TASOR2: variants seen among roughly 807,000 people sequenced by gnomAD.
The protein encoded by TASOR2 is protein TASOR 2.
A neutral mutation model predicts 199.5 loss-of-function variants in TASOR2; 84 were observed. The ratio of observed to expected loss-of-function variants is 0.42; its 90% CI spans 0.35 to 0.50. The LOEUF (loss-of-function observed/expected upper bound fraction) is 0.50, where lower values mean the gene tolerates loss of function less well. TASOR2 is among the 20% of genes least tolerant of loss of function. The pLI is 0.02. For missense variants in TASOR2, 2,796 were observed against 2,835.9 expected (o/e 0.99, Z 0.32); for synonymous variants, 1,103 against 1,046.6 (o/e 1.05, Z -1.04).
intron 14 of TASOR2, chr10:5,743,870 C>G (rs369150018): frequency 1.3e-5 from 2 of 148,662 alleles, no homozygotes; most frequent in Non-Finnish European, 3.0e-5. Context: ...TTTTTGTCAT[C>G]TTGTTGAATG....
intron 1 of TASOR2, chr10:5,712,309 G>A (rs1832025557): frequency 2.0e-6 from 2 of 994,510 alleles, no homozygotes; most frequent in Admixed American, 4.3e-5. Flanking sequence ...AATAGGTGAT[G>A]TTTTGAGTGA....
chr10:5,704,980 G>A (rs1380835851), intron 1 of TASOR2, among the ~76,000 whole-genome samples: 1 of 151,976 alleles, frequency 6.6e-6, no homozygotes, highest in African/African-American at 2.4e-5. Context: ...TTTGTTTTGG[G>A]GCTTTCAGCT....
At chr10:5,733,250 A>G (rs891638240) in intron 11 of TASOR2, among the ~76,000 whole-genome samples, 2 of 152,138 alleles carry the variant, frequency 1.3e-5, no homozygotes, top group Admixed American at 6.5e-5. Flanking sequence ...GCTCATGCCT[A>G]TAATCCTAAC....
At chr10:5,757,698 T>A in intron 17 of TASOR2, 25 bp downstream of exon 18, 2 of 1,610,032 alleles carry the variant, frequency 1.2e-6, no homozygotes, top group African/African-American at 1.3e-5. Context: ...TCTTTTCCTG[T>A]TTCTTTGAAG....
chr10:5,740,087 A>G lies in TASOR2; in HGVS notation c.1917A>G (p.Leu639=). The change falls in exon 13 of 21, where the codon CTA becomes CTG. Residue 639 remains leucine (L), a synonymous_variant. Coordinates refer to ENST00000328090, the Ensembl canonical transcript of TASOR2. The surrounding 1 kb of genome is among the most constrained non-coding windows in gnomAD (Gnocchi z 5.3). ...AGTCAGCACTTACTGAGGAAATGCT[A>G]GAATCTTCAGATGCAAGCCAAAGCT... 3 of 1,614,108 alleles carry G rather than the reference A, an allele frequency of 1.9e-6. No homozygotes were observed. The highest frequency in any genetic ancestry group is 2.5e-6 in the Non-Finnish European group (3 of 1,180,024).
chr10:5,732,282 G>T (rs892224932), intron 11 of TASOR2, among the ~76,000 whole-genome samples: 5 of 152,238 alleles, frequency 3.3e-5, no homozygotes, highest in African/African-American at 1.2e-4. Flanking sequence ...GGAGAAGAAG[G>T]CAGCACATTA....
chr10:5,701,866 T>G lies in TASOR2; in HGVS notation c.-287-10957T>G, dbSNP rs748743724. Among the ~76,000 whole-genome samples the G allele has an allele frequency of 6.6e-6, 1 of 152,146 alleles. No individual in the cohort carries two copies. Among genetic ancestry groups the G allele is most frequent in the Non-Finnish European group, 1.5e-5 (1 of 68,010 alleles). The stretch of plus-strand genomic sequence containing the variant: ...AGTTCTAACAATTTTTTTGGTGGAG[T>G]CCAGGTTTTTCTAAGTATAAGATCA... On this transcript the variant is annotated intron_variant, in intron 1 of 20. Coordinates refer to ENST00000328090, the Ensembl canonical transcript of TASOR2. The surrounding 1 kb of genome is among the most constrained non-coding windows in gnomAD (Gnocchi z 4.9).
chr10:5,727,414 C>T (rs1184498821), intron 10 of TASOR2, among the ~76,000 whole-genome samples: 7 of 152,122 alleles, frequency 4.6e-5, no homozygotes, highest in South Asian at 2.1e-4. Flanking sequence ...ATTTTGCCAT[C>T]GTCTCTCCTG....
intron 11 of TASOR2, among the ~76,000 whole-genome samples, chr10:5,734,166 G>T (rs760514164): frequency 2.6e-5 from 4 of 152,118 alleles, no homozygotes; most frequent in Non-Finnish European, 5.9e-5. Context: ...TATCTTTGAG[G>T]CTTAATTTTA....
intron 18 of TASOR2, among the ~76,000 whole-genome samples, chr10:5,760,406 A>C (rs541706303): frequency 2.2e-4 from 34 of 152,220 alleles, no homozygotes; most frequent in Middle Eastern, 3.4e-3. Context: ...ATTATTGAGA[A>C]CTCATTAGAA....
intron 15 of TASOR2, 85 bp from the exon 17 acceptor site, chr10:5,756,528 C>A: frequency 7.1e-7 from 1 of 1,416,414 alleles, no homozygotes; most frequent in Non-Finnish European, 9.6e-7. Context: ...TTAGACTATA[C>A]TGCTTTTCAT....
At chr10:5,708,196 T>A (rs1831376736) in intron 1 of TASOR2, among the ~76,000 whole-genome samples, 1 of 152,218 alleles carries the variant, frequency 6.6e-6, no homozygotes, top group Non-Finnish European at 1.5e-5. Context: ...CTTATTCTTC[T>A]CTCCCTTCTT....
At chr10:5,715,617 A>G (rs528559884) in intron 2 of TASOR2, among the ~76,000 whole-genome samples, 3 of 149,340 alleles carry the variant, frequency 2.0e-5, no homozygotes, top group African/African-American at 7.5e-5. Context: ...GATACATTCC[A>G]AGAATTGCAT....
rs891754258 is a variant in TASOR2 at position 5,701,774 on chromosome 10, G to A, written c.-287-11049G>A. On this transcript the variant is annotated intron_variant, in intron 1 of 20. Transcript: ENST00000328090. This position sits in a 1 kb window ranked among gnomAD's most constrained non-coding sequence, Gnocchi z 4.9. The stretch of plus-strand genomic sequence containing the variant: ...CTTTTTCAGATTGCTTGCAGTTGGT[G>A]TATACCAACGCTACCGATTTTTGTA... 6.6e-6 allele frequency among the ~76,000 whole-genome samples: 1 copy of A among 152,180 alleles called. No individual in the cohort carries two copies. Among genetic ancestry groups the A allele is most frequent in the African/African-American group, 2.4e-5 (1 of 41,444 alleles).
chr10:5,727,163 A>G, intron 10 of TASOR2, 40 bp downstream of exon 11: 1 of 1,607,544 alleles, frequency 6.2e-7, no homozygotes. Context: ...TGTCTGTTGG[A>G]TATATTTAGT....
At chr10:5,762,962 C>A in intron 20 of TASOR2, 67 bp from the exon 22 acceptor site, 2 of 1,484,028 alleles carry the variant, frequency 1.3e-6, no homozygotes, top group Non-Finnish European at 1.9e-6. Flanking sequence ...TTAGAGCATC[C>A]CGCTTATAAA....
chr10:5,729,369 A>G (rs767603212), intron 10 of TASOR2, among the ~76,000 whole-genome samples: 3 of 152,000 alleles, frequency 2.0e-5, no homozygotes, highest in Non-Finnish European at 2.9e-5. Flanking sequence ...ACAAAACAAC[A>G]AAAAGACCAG....
At chr10:5,697,713 T>A (rs958012167) in intron 1 of TASOR2, among the ~76,000 whole-genome samples, 4 of 152,140 alleles carry the variant, frequency 2.6e-5, no homozygotes, top group African/African-American at 7.2e-5. Context: ...GTCCTCTGAT[T>A]TAGGAACAGA....
At chr10:5,713,908 A>G (rs748043062) in intron 2 of TASOR2, 3 of 314,852 alleles carry the variant, frequency 9.5e-6, no homozygotes, top group Non-Finnish European at 1.1e-5. Context: ...TTTAAAGCTT[A>G]TGGATTAGGC....
Sources: gnomAD v4.1 joint callset for allele counts (sites outside exome capture counted in the v4.1 genomes callset) on GRCh38, gnomAD v4.1.1 for gene constraint, Gnocchi (gnomAD v3.1) non-coding constraint, MANE v1.5 for transcripts, NCBI Gene and HGNC (gene_info 2026-07-23, HGNC 2026-07-21) for gene names.